The following ADAMTS12 variants were observed in gnomAD, a reference collection of about 807,000 sequenced individuals.
ADAMTS12 encodes A disintegrin and metalloproteinase with thrombospondin motifs 12.
A neutral mutation model predicts 167.8 loss-of-function variants in ADAMTS12; 118 were observed. That is an observed-to-expected ratio of 0.70 (90% CI 0.61 to 0.82). The LOEUF is 0.82. Ranked by LOEUF, ADAMTS12 falls within the 40% of genes least tolerant of loss-of-function variation. ADAMTS12 has a pLI of 0.00. For synonymous variants in ADAMTS12, 704 were observed against 716.9 expected (o/e 0.98, Z 0.29); for missense variants, 1,916 against 1,998.8 (o/e 0.96, Z 0.79).
At chr5:33,744,666 G>T (rs1744716686) in intron 3 of ADAMTS12, among the ~76,000 whole-genome samples, 1 of 152,316 alleles carries the variant, frequency 6.6e-6, no homozygotes, top group Admixed American at 6.5e-5. Context: ...AATGTAGAAA[G>T]CTATTTGGGA....
chr5:33,665,382 A>T (rs1470411733), intron 5 of ADAMTS12, among the ~76,000 whole-genome samples: 1 of 152,204 alleles, frequency 6.6e-6, no homozygotes, highest in Non-Finnish European at 1.5e-5. Context: ...AACAGAGTAG[A>T]TTTTAAGTAG....
At chr5:33,823,848 T>C (rs1747957436) in intron 2 of ADAMTS12, among the ~76,000 whole-genome samples, 1 of 152,138 alleles carries the variant, frequency 6.6e-6, no homozygotes, top group South Asian at 2.1e-4. Context: ...GGGGTCTCGT[T>C]TTTAGAATAA....
Position 33,578,862 on chromosome 5 carries a change from T to C in ADAMTS12, c.2866-1702A>G, listed in dbSNP as rs369319936. On this transcript the variant is annotated intron_variant, in intron 18 of 23. Coordinates refer to ENST00000504830, the MANE Select transcript of ADAMTS12 (RefSeq NM_030955.4). ...TCGAACTGTGTTTGGACCCAACCAGTGAAGCTGTGGATTTAAGATGTCCAC... is the reference window on the plus strand; with the variant it reads ...TCGAACTGTGTTTGGACCCAACCAGCGAAGCTGTGGATTTAAGATGTCCAC... 5.9e-5 allele frequency among the ~76,000 whole-genome samples: 9 copies of C among 152,288 alleles called. No individual in the cohort carries two copies. The East Asian group carries it at 1.7e-3, about 29-fold the overall frequency.
chr5:33,883,136 C>T (rs184984820), intron 1 of ADAMTS12, among the ~76,000 whole-genome samples: 3 of 152,220 alleles, frequency 2.0e-5, no homozygotes, highest in African/African-American at 7.2e-5. Context: ...CCTAGAATGG[C>T]TTTATTTTAT....
intron 5 of ADAMTS12, among the ~76,000 whole-genome samples, chr5:33,678,499 C>A (rs1741998523): frequency 6.6e-6 from 1 of 152,056 alleles, no homozygotes; most frequent in South Asian, 2.1e-4. Flanking sequence ...CAGAATCTTA[C>A]TAGGAAAGGG....
At chr5:33,620,794 A>G (rs1739284255) in intron 14 of ADAMTS12, among the ~76,000 whole-genome samples, 1 of 152,194 alleles carries the variant, frequency 6.6e-6, no homozygotes, top group African/African-American at 2.4e-5. Flanking sequence ...TCTAGGCTAC[A>G]CAGTTCATCT....
At chr5:33,738,465 G>C (rs1338990547) in intron 3 of ADAMTS12, among the ~76,000 whole-genome samples, 1 of 152,118 alleles carries the variant, frequency 6.6e-6, no homozygotes, top group Non-Finnish European at 1.5e-5. Context: ...ATATTCCAGG[G>C]GAAATGAGAC....
intron 3 of ADAMTS12, among the ~76,000 whole-genome samples, chr5:33,748,497 GAAATT>G (rs916722041): frequency 5.9e-5 from 9 of 152,130 alleles, no homozygotes; most frequent in African/African-American, 2.2e-4. Context: ...CTGGAAAACA[GAAATT>G]AAGTCATATT....
chr5:33,861,379 T>C (rs1580000451), intron 2 of ADAMTS12, among the ~76,000 whole-genome samples: 2 of 152,160 alleles, frequency 1.3e-5, no homozygotes, highest in East Asian at 1.9e-4. Context: ...TTTGCAATAC[T>C]AGTTTCTGAT....
At chr5:33,810,828 G>T (rs371289118) in intron 2 of ADAMTS12, among the ~76,000 whole-genome samples, 2 of 152,200 alleles carry the variant, frequency 1.3e-5, no homozygotes, top group African/African-American at 4.8e-5. Context: ...CAATGGGCCA[G>T]TTATCCCTTA....
At chr5:33,831,611 A>T (rs971958297) in intron 2 of ADAMTS12, among the ~76,000 whole-genome samples, 2 of 152,180 alleles carry the variant, frequency 1.3e-5, no homozygotes, top group East Asian at 3.9e-4. Flanking sequence ...CTCCTTCTAG[A>T]TGATTCATTA....
intron 2 of ADAMTS12, among the ~76,000 whole-genome samples, chr5:33,877,090 C>T (rs1052228360): frequency 1.5e-4 from 23 of 152,146 alleles, no homozygotes; most frequent in South Asian, 2.1e-4. Flanking sequence ...CTTGAGAGAT[C>T]CATGACCAGC....
At chr5:33,835,953 C>CTCTCTG (rs1748506575) in intron 2 of ADAMTS12, among the ~76,000 whole-genome samples, 1 of 89,138 alleles carries the variant, frequency 1.1e-5, no homozygotes, top group African/African-American at 6.6e-5. Flanking sequence ...CTCTCTCTCT[C>CTCTCTG]TGTGTGTGTG....
chr5:33,526,948 G>A lies in ADAMTS12; in HGVS notation c.*240C>T, dbSNP rs1232138929. On this transcript the variant is annotated 3_prime_UTR_variant, in exon 24 of 24. Coordinates refer to ENST00000504830, the MANE Select transcript of ADAMTS12 (RefSeq NM_030955.4). ...CACCTTTCCCAGGAGCCGATACCAG[G>A]TGCTGCCTGATTCTCCTAGCTATTT... is the stretch of plus-strand genomic sequence containing the variant. 4.1e-6 allele frequency: 2 copies of A among 490,800 alleles called. No individual in the cohort carries two copies. The highest frequency in any genetic ancestry group is 7.2e-6 in the Non-Finnish European group (2 of 276,584). The allele number at this position is 490,800 out of a possible 1,614,324, so 30.4% of individuals were successfully genotyped here.
intron 17 of ADAMTS12, among the ~76,000 whole-genome samples, chr5:33,594,512 T>C (rs1185262386): frequency 1.3e-5 from 2 of 152,342 alleles, no homozygotes; most frequent in East Asian, 3.9e-4. Flanking sequence ...TGTGGAGTAG[T>C]AGGCAATGGA....
chr5:33,747,483 T>C (rs1744831774), intron 3 of ADAMTS12, among the ~76,000 whole-genome samples: 1 of 152,200 alleles, frequency 6.6e-6, no homozygotes, highest in African/African-American at 2.4e-5. Flanking sequence ...GCATTATCTG[T>C]TAAAGTCATA....
chr5:33,645,712 T>C (rs1466577240), intron 9 of ADAMTS12, among the ~76,000 whole-genome samples: 2 of 152,174 alleles, frequency 1.3e-5, no homozygotes, highest in Non-Finnish European at 2.9e-5. Context: ...TATCTCAAAA[T>C]AAAAAGTTAT....
At chr5:33,885,423 C>T (rs898108819) in intron 1 of ADAMTS12, among the ~76,000 whole-genome samples, 6 of 152,116 alleles carry the variant, frequency 3.9e-5, no homozygotes, top group Non-Finnish European at 7.4e-5. Flanking sequence ...GAGCCGAGAT[C>T]GTGCCACTGC....
intron 2 of ADAMTS12, among the ~76,000 whole-genome samples, chr5:33,872,440 G>C (rs898048883): frequency 6.6e-6 from 1 of 152,076 alleles, no homozygotes; most frequent in African/African-American, 2.4e-5. Context: ...CCAGCTACTG[G>C]GGAGGCTGAG....
Sources: gnomAD v4.1 joint callset for allele counts (sites outside exome capture counted in the v4.1 genomes callset) on GRCh38, gnomAD v4.1.1 for gene constraint, MANE v1.5 for transcripts, NCBI Gene and HGNC (gene_info 2026-07-23, HGNC 2026-07-21) for gene names.